SESN1: variants seen among roughly 807,000 people sequenced by gnomAD.
SESN1 encodes the protein sestrin 1, also known as sestrin-1.
In SESN1, 30 loss-of-function variants were observed where a neutral mutation model predicts 59.3. The observed-to-expected ratio is 0.51, with a 90% CI of 0.38 to 0.69. The LOEUF is 0.69. Among genes scored for constraint, SESN1 ranks in the 30% least tolerant of loss-of-function variants. SESN1 has a pLI of 0.00. For missense variants in SESN1, 566 were observed against 673.0 expected (o/e 0.84, Z 1.76); for synonymous variants, 197 against 219.9 (o/e 0.90, Z 0.92).
At chr6:109,057,803 C>T (rs1007703853) in intron 1 of SESN1, among the ~76,000 whole-genome samples, 2 of 152,092 alleles carry the variant, frequency 1.3e-5, no homozygotes, top group Non-Finnish European at 2.9e-5. Flanking sequence ...TCAGCTACAC[C>T]CCAAAACACA....
Position 109,002,273 on chromosome 6 carries a change from C to G in SESN1, c.345+5G>C. ...GTTCACTATGTACTTTCACAAACAA[C>G]GTACCTCCTTTTCTGGGATGAATCT... On this transcript the variant is annotated splice_donor_5th_base_variant and intron_variant, in intron 2 of 9. Coordinates refer to ENST00000436639, the MANE Select transcript of SESN1 (RefSeq NM_014454.3). The G allele has an allele frequency of 6.2e-7, 1 of 1,612,310 alleles. No individual in the cohort carries two copies. The highest frequency in any genetic ancestry group is 1.7e-5 in the Admixed American group (1 of 60,000).
chr6:109,040,657 C>CTTT lies in SESN1; in HGVS notation c.280-38317_280-38315dup, dbSNP rs34916346. On this transcript the variant is annotated intron_variant, in intron 1 of 9. Transcript: ENST00000436639. ...CATATATGTGACAAACTAGCATAAT[C>CTTT]TTTTTTTTTTTTTTTGAGACAGTCT... 5.0e-4 allele frequency among the ~76,000 whole-genome samples: 71 copies of CTTT among 142,136 alleles called. 2 individuals are homozygous for CTTT. The Middle Eastern group carries it at 0.011, about 22-fold the overall frequency. 93.2% of individuals were successfully genotyped at this position (142,136 alleles called of 152,430 possible).
chr6:108,989,803 T>C (rs186056842), intron 8 of SESN1, among the ~76,000 whole-genome samples: 13 of 152,258 alleles, frequency 8.5e-5, no homozygotes, highest in African/African-American at 3.1e-4. Flanking sequence ...GTTGTGTGCG[T>C]TGCTCCACTG....
At chr6:109,033,365 C>T (rs1780210861) in intron 1 of SESN1, among the ~76,000 whole-genome samples, 1 of 152,184 alleles carries the variant, frequency 6.6e-6, no homozygotes. Context: ...CAAGAAGCCT[C>T]TTGCTTCTTT....
intron 1 of SESN1, chr6:109,009,336 C>A: frequency 6.8e-7 from 1 of 1,464,254 alleles, no homozygotes; most frequent in Middle Eastern, 2.0e-4. Flanking sequence ...CCCAGCGGCC[C>A]GCTCAGCCCC....
At chr6:109,006,132 G>A (rs1176059054) in intron 1 of SESN1, among the ~76,000 whole-genome samples, 2 of 152,100 alleles carry the variant, frequency 1.3e-5, no homozygotes, top group African/African-American at 2.4e-5. Flanking sequence ...TATACTACCT[G>A]TAAACAAAGA....
intron 1 of SESN1, among the ~76,000 whole-genome samples, chr6:109,015,765 CAAAA>C (rs1482011854): frequency 6.6e-6 from 1 of 151,884 alleles, no homozygotes; most frequent in Non-Finnish European, 1.5e-5. Flanking sequence ...TATACAAACT[CAAAA>C]AAGGCAACAA....
rs145798994 is a variant in SESN1, at chr6:109,058,417, A to G, written c.279+35378T>C. On this transcript the variant is annotated intron_variant, in intron 1 of 9. Coordinates refer to ENST00000436639, the MANE Select transcript of SESN1 (RefSeq NM_014454.3). ...AACACTAGGTTATACCATATAGCCT[A>G]CGTGTGCAGTAGGCTATACCATCTA... 3.5e-4 allele frequency among the ~76,000 whole-genome samples: 53 copies of G among 152,344 alleles called. 1 individual carries two copies. The East Asian group carries it at 9.1e-3, about 26-fold the overall frequency.
chr6:109,092,468 T>C (rs1671671958), intron 1 of SESN1, among the ~76,000 whole-genome samples: 1 of 152,216 alleles, frequency 6.6e-6, no homozygotes. Context: ...GGTTATCTGG[T>C]TTCCCATTCT....
intron 1 of SESN1, among the ~76,000 whole-genome samples, chr6:109,003,594 G>A (rs1392118459): frequency 2.0e-5 from 3 of 152,114 alleles, no homozygotes. Context: ...TTATACTGGA[G>A]GTTGGTGACT....
intron 1 of SESN1, among the ~76,000 whole-genome samples, chr6:109,031,033 C>T (rs867186890): frequency 3.3e-5 from 5 of 152,104 alleles, no homozygotes; most frequent in Non-Finnish European, 2.9e-5. Context: ...TTCTAGGCAA[C>T]GTGTAATTTT....
intron 1 of SESN1, 41 bp from the exon 2 acceptor site, chr6:109,002,384 A>G: frequency 6.7e-7 from 1 of 1,493,096 alleles, no homozygotes; most frequent in South Asian, 1.1e-5. Flanking sequence ...TTTGGCAGTA[A>G]ACAAAATGAA....
intron 1 of SESN1, among the ~76,000 whole-genome samples, chr6:109,054,266 T>C (rs1418344161): frequency 6.6e-6 from 1 of 152,120 alleles, no homozygotes; most frequent in Non-Finnish European, 1.5e-5. Flanking sequence ...TTAAGAATAT[T>C]AAAATAATAA....
rs983756681 is a variant in SESN1, at chr6:109,038,110, G to A, written c.280-35767C>T. Among the ~76,000 whole-genome samples, 2 of 152,192 alleles carry A rather than the reference G, an allele frequency of 1.3e-5. 1 individual carries two copies. Among genetic ancestry groups the A allele is most frequent in the South Asian group, 4.1e-4 (2 of 4,830 alleles). On this transcript the variant is annotated intron_variant, in intron 1 of 9. Transcript: ENST00000436639. ...CCACTTCTTAACTAAGGCCAAAGTAGACATTTTGTCCTGCAGCATTAGAAC... is the reference window on the plus strand; with the variant it reads ...CCACTTCTTAACTAAGGCCAAAGTAAACATTTTGTCCTGCAGCATTAGAAC...
At chr6:109,072,294 G>C (rs1264780376) in intron 1 of SESN1, among the ~76,000 whole-genome samples, 2 of 152,128 alleles carry the variant, frequency 1.3e-5, no homozygotes, top group Admixed American at 6.5e-5. Flanking sequence ...TCAATGATAG[G>C]TTATCTATGT....
chr6:109,078,549 C>T (rs1781067170), intron 1 of SESN1, among the ~76,000 whole-genome samples: 1 of 152,044 alleles, frequency 6.6e-6, no homozygotes, highest in African/African-American at 2.4e-5. Context: ...ATTCAAACTG[C>T]CCTCTAGAAA....
chr6:109,082,420 T>G (rs1019970350), intron 1 of SESN1, among the ~76,000 whole-genome samples: 1 of 152,304 alleles, frequency 6.6e-6, no homozygotes. Flanking sequence ...GGAGGTTATG[T>G]AACTTGCCCA....
At chr6:109,076,551 A>G (rs1487273447) in intron 1 of SESN1, among the ~76,000 whole-genome samples, 1 of 152,146 alleles carries the variant, frequency 6.6e-6, no homozygotes, top group African/African-American at 2.4e-5. Context: ...CACAAGTTAT[A>G]GTTACATGTT....
chr6:109,050,982 T>G (rs966608651), intron 1 of SESN1, among the ~76,000 whole-genome samples: 4 of 152,208 alleles, frequency 2.6e-5, no homozygotes, highest in Non-Finnish European at 5.9e-5. Context: ...TGGTTAAAGT[T>G]GTTCAATTAG....
Sources: gnomAD v4.1 joint callset for allele counts (sites outside exome capture counted in the v4.1 genomes callset) on GRCh38, gnomAD v4.1.1 for gene constraint, MANE v1.5 for transcripts, NCBI Gene and HGNC (gene_info 2026-07-23, HGNC 2026-07-21) for gene names.